TBCD: variants seen among roughly 807,000 people sequenced by gnomAD.
TBCD encodes tubulin-specific chaperone D.
Under a neutral mutation model 169.3 loss-of-function variants are expected in TBCD, and 105 were observed. That is an observed-to-expected ratio of 0.62 (90% confidence interval 0.53 to 0.73). The LOEUF is 0.73. Ranked by LOEUF, TBCD falls within the 30% of genes least tolerant of loss-of-function variation. TBCD has a pLI of 0.00. For synonymous variants in TBCD, 700 were observed against 643.9 expected (o/e 1.09, Z -1.32); for missense variants, 1,444 against 1,600.1 (o/e 0.90, Z 1.66).
chr17:82,800,697 G>A (rs2050448828), intron 8 of TBCD, among the ~76,000 whole-genome samples, 167 bp from the exon 9 acceptor site: 1 of 152,110 alleles, frequency 6.6e-6, no homozygotes, highest in South Asian at 2.1e-4. Flanking sequence ...AGTCGAGTAG[G>A]TTCAACTCCA....
intron 13 of TBCD, among the ~76,000 whole-genome samples, chr17:82,869,387 T>C (rs895863501): frequency 2.6e-5 from 4 of 152,122 alleles, no homozygotes; most frequent in African/African-American, 7.2e-5. Flanking sequence ...GGTGTGATGG[T>C]GGCATGCTTG....
chr17:82,850,417 G>A (rs896618396), intron 13 of TBCD, among the ~76,000 whole-genome samples: 52 of 149,648 alleles, frequency 3.5e-4, no homozygotes, highest in African/African-American at 1.2e-3. Flanking sequence ...TGTTGGCTGT[G>A]CTGTTGGCTG....
At chr17:82,876,509 A>G (rs1192116723) in intron 14 of TBCD, among the ~76,000 whole-genome samples, 1 of 152,104 alleles carries the variant, frequency 6.6e-6, no homozygotes, top group Non-Finnish European at 1.5e-5. Flanking sequence ...AGGAGCTTTT[A>G]TATTTATATT....
intron 13 of TBCD, among the ~76,000 whole-genome samples, chr17:82,859,244 G>T (rs1016556943): frequency 2.2e-5 from 3 of 137,754 alleles, no homozygotes; most frequent in African/African-American, 8.1e-5. Context: ...CTCGTGGGTC[G>T]TCTGGCCTGC....
chr17:82,839,951 G>A (rs1033387080), intron 13 of TBCD: 1 of 152,564 alleles, frequency 6.6e-6, no homozygotes, highest in African/African-American at 2.4e-5. Flanking sequence ...GCTGGGATGT[G>A]GCCGGTCTTG....
intron 13 of TBCD, among the ~76,000 whole-genome samples, chr17:82,857,239 C>T (rs2056388528): frequency 6.6e-6 from 1 of 152,074 alleles, no homozygotes; most frequent in Non-Finnish European, 1.5e-5. Context: ...TCATGTGCTC[C>T]TTGGTTGTTT....
At chr17:82,846,324 C>T (rs577435954) in intron 13 of TBCD, among the ~76,000 whole-genome samples, 193 of 147,402 alleles carry the variant, frequency 1.3e-3, no homozygotes, top group African/African-American at 4.8e-3. Flanking sequence ...TCCAGCGTGC[C>T]GTGTCCTCTC....
At chr17:82,839,746 A>G (rs1411744309) in intron 13 of TBCD, among the ~76,000 whole-genome samples, 3 of 152,246 alleles carry the variant, frequency 2.0e-5, no homozygotes, top group African/African-American at 7.2e-5. Flanking sequence ...CCTCATTAGA[A>G]GTTTTGTAAT....
At chr17:82,865,573 G>A (rs976151350) in intron 13 of TBCD, 30 of 983,902 alleles carry the variant, frequency 3.0e-5, no homozygotes, top group Non-Finnish European at 3.6e-5. Context: ...AGCCCTCACC[G>A]CCCAGTGCCG....
chr17:82,917,681 G>T (rs773282369), intron 23 of TBCD, among the ~76,000 whole-genome samples: 22 of 152,374 alleles, frequency 1.4e-4, no homozygotes, highest in Non-Finnish European at 2.9e-4. Context: ...AGGGGTCCGT[G>T]CTGGGCTGGC....
intron 2 of TBCD, 64 bp downstream of exon 2, chr17:82,756,279 T>G: frequency 6.8e-7 from 1 of 1,473,148 alleles, no homozygotes; most frequent in Non-Finnish European, 9.4e-7. Context: ...CCTTGGTGTG[T>G]GGTGCTGGCA....
intron 14 of TBCD, 109 bp downstream of exon 14, chr17:82,870,489 T>G (rs1262299044): frequency 1.4e-6 from 2 of 1,388,592 alleles, no homozygotes; most frequent in Non-Finnish European, 1.9e-6. Context: ...AAAGGTGAAA[T>G]TACTTGGCCA....
intron 13 of TBCD, among the ~76,000 whole-genome samples, chr17:82,821,197 C>A (rs1186865685): frequency 6.6e-6 from 1 of 152,218 alleles, no homozygotes; most frequent in Non-Finnish European, 1.5e-5. Flanking sequence ...CCTGCCTTGG[C>A]CTGCCTTGGG....
At chr17:82,840,941 G>A (rs1053176758) in intron 13 of TBCD, among the ~76,000 whole-genome samples, 1 of 135,608 alleles carries the variant, frequency 7.4e-6, no homozygotes, top group East Asian at 2.5e-4. Context: ...AGCTGGCCAG[G>A]ACAGACAAAC....
At chr17:82,916,544 A>C (rs2061048636) in intron 23 of TBCD, among the ~76,000 whole-genome samples, 1 of 151,324 alleles carries the variant, frequency 6.6e-6, no homozygotes. Context: ...TTTGATTCTT[A>C]AAGGTTATTT....
intron 17 of TBCD, among the ~76,000 whole-genome samples, chr17:82,899,326 CGTCCTCAGCTCGTGTCCTCAGTGCGT>C (rs2059727807): frequency 6.7e-6 from 1 of 149,916 alleles, no homozygotes; most frequent in Admixed American, 6.6e-5. Flanking sequence ...TCAGCGCGCG[CGTCCTCAGCTCGTGTCCTCAGTGCGT>C]GTCCGCAGTG....
intron 13 of TBCD, among the ~76,000 whole-genome samples, chr17:82,837,443 A>G (rs2054084899): frequency 6.6e-6 from 1 of 152,198 alleles, no homozygotes; most frequent in African/African-American, 2.4e-5. Flanking sequence ...TTGTATTTAG[A>G]GGTGCAGTTT....
intron 9 of TBCD, among the ~76,000 whole-genome samples, chr17:82,805,581 T>C (rs2050902720): frequency 6.6e-6 from 1 of 152,188 alleles, no homozygotes; most frequent in Admixed American, 6.5e-5. Flanking sequence ...GCGCTGGTCC[T>C]GTCGTCTGTG....
intron 12 of TBCD, among the ~76,000 whole-genome samples, chr17:82,814,583 T>A (rs2051710821): frequency 2.0e-5 from 3 of 152,226 alleles, no homozygotes; most frequent in Admixed American, 6.5e-5. Flanking sequence ...TGGCGCGATC[T>A]CAGCTCACTG....
Sources: gnomAD v4.1 joint callset for allele counts (sites outside exome capture counted in the v4.1 genomes callset) on GRCh38, gnomAD v4.1.1 for gene constraint, MANE v1.5 for transcripts, NCBI Gene and HGNC (gene_info 2026-07-23, HGNC 2026-07-21) for gene names.